The following LMO7 variants were observed in gnomAD, a reference collection of about 807,000 sequenced individuals.
LMO7 encodes LIM domain only protein 7.
A neutral mutation model predicts 206.5 loss-of-function variants in LMO7; 120 were observed. The observed-to-expected ratio is 0.58, with a 90% CI of 0.50 to 0.68. The LOEUF is 0.68. Among genes scored for constraint, LMO7 ranks in the 30% least tolerant of loss-of-function variants. The probability of loss-of-function intolerance (pLI) is 0.00; values close to 1 mark genes in which losing one functional copy is unlikely to be tolerated. For synonymous variants in LMO7, 706 were observed against 681.5 expected (o/e 1.04, Z -0.56); for missense variants, 1,959 against 1,957.9 (o/e 1.00, Z -0.01).
At chr13:75,725,128 A>G (rs928227707) in intron 2 of LMO7, among the ~76,000 whole-genome samples, 1 of 152,078 alleles carries the variant, frequency 6.6e-6, no homozygotes, top group Non-Finnish European at 1.5e-5. Flanking sequence ...AGGTTGTGCT[A>G]TTATTAATTC....
At chr13:75,754,723 G>C (rs925327207) in intron 3 of LMO7, among the ~76,000 whole-genome samples, 3 of 152,176 alleles carry the variant, frequency 2.0e-5, no homozygotes, top group African/African-American at 7.2e-5. Flanking sequence ...AAAGAGCAAG[G>C]ACATGTGCTA....
Position 75,809,763 on chromosome 13 carries a change from C to A in LMO7, c.1946+580C>A, listed in dbSNP as rs539700086. The stretch of plus-strand genomic sequence containing the variant: ...TTATAACATGGCTATATTTATAGTG[C>A]AAAATAGACCTTCAAAAACTGCAAA... On this transcript the variant is annotated intron_variant, in intron 11 of 30. Coordinates refer to ENST00000377534, the MANE Select transcript of LMO7 (RefSeq NM_001306080.2). 1.0e-3 allele frequency among the ~76,000 whole-genome samples: 152 copies of A among 149,978 alleles called. 1 individual carries two copies. Among genetic ancestry groups the A allele is most frequent in the Non-Finnish European group, 1.9e-3 (128 of 67,628 alleles).
chr13:75,646,827 T>C (rs1324151853), intron 1 of LMO7, among the ~76,000 whole-genome samples: 1 of 152,084 alleles, frequency 6.6e-6, no homozygotes, highest in African/African-American at 2.4e-5. Flanking sequence ...TCAGGTGATA[T>C]GTGTGCCTCA....
intron 1 of LMO7, among the ~76,000 whole-genome samples, chr13:75,670,501 C>A (rs1315368356): frequency 2.0e-5 from 3 of 152,140 alleles, no homozygotes; most frequent in African/African-American, 7.2e-5. Flanking sequence ...AGGCTACAAA[C>A]CTGTGCTGCA....
chr13:75,674,294 C>G (rs1300001033), intron 1 of LMO7, among the ~76,000 whole-genome samples: 1 of 152,196 alleles, frequency 6.6e-6, no homozygotes, highest in African/African-American at 2.4e-5. Context: ...TATTGACTGA[C>G]TCCAGTTTAG....
At chr13:75,840,280 G>T in intron 21 of LMO7, 111 bp from the exon 22 acceptor site, 8 of 1,428,358 alleles carry the variant, frequency 5.6e-6, no homozygotes, top group Non-Finnish European at 6.9e-6. Context: ...CCTTGGTACA[G>T]TTTAAGCAAA....
At chr13:75,702,473 CT>C (rs2042346513) in intron 1 of LMO7, among the ~76,000 whole-genome samples, 1 of 152,184 alleles carries the variant, frequency 6.6e-6, no homozygotes, top group Non-Finnish European at 1.5e-5. Flanking sequence ...TGCGAGTTGG[CT>C]TTGGTTTTGC....
intron 4 of LMO7, among the ~76,000 whole-genome samples, chr13:75,768,604 C>T (rs1262169518): frequency 5.3e-5 from 8 of 152,152 alleles, no homozygotes; most frequent in Middle Eastern, 6.8e-3. Flanking sequence ...GTCAGTGACA[C>T]CAAATCTAAC....
rs1181759446 is a variant in LMO7 at position 75,841,196 on chromosome 13, G to A, written c.3670G>A (p.Asp1224Asn). 7.5e-6 allele frequency: 12 copies of A among 1,604,932 alleles called. No individual in the cohort carries two copies. The highest frequency in any genetic ancestry group is 1.6e-4 in the Middle Eastern group (1 of 6,062). Residue 1224 changes from aspartate to asparagine, a missense_variant, in exon 23 of 31, where the codon GAT (aspartate) becomes AAT (asparagine). Transcript: ENST00000377534. ...AGAGAGAGAGAATTCCAAGTACTTG[G>A]ATGAGGTAGTGTTAGAACATGCCTG... ...EAERENSKYL[D>N]EELMVLSSNS...
At chr13:75,624,929 C>G (rs2033832820) in intron 2 of LMO7, among the ~76,000 whole-genome samples, 1 of 152,184 alleles carries the variant, frequency 6.6e-6, no homozygotes, top group South Asian at 2.1e-4. Context: ...ATTCTAGAGT[C>G]TGAGTTGTAG....
intron 4 of LMO7, among the ~76,000 whole-genome samples, chr13:75,790,744 C>G (rs2053161055): frequency 6.6e-6 from 1 of 152,128 alleles, no homozygotes. Flanking sequence ...TTCTTACTCT[C>G]TGGCAGAAAG....
Position 75,821,474 on chromosome 13 carries a change from G to A in LMO7, c.2505G>A (p.Met835Ile), listed in dbSNP as rs907898876. ...CTCTGCGTTCACGGAGCACACAAAT[G>A]GAATCAACTCGTGTTTCAGCTTCTC... ...LSSLRSRSTQMESTRVSASLP... is the reference protein window; with the variant it reads ...LSSLRSRSTQIESTRVSASLP... The change falls in exon 14 of 31, where the codon ATG (methionine) becomes ATA (isoleucine). Residue 835 changes from methionine (M) to isoleucine (I), a missense_variant. Physicochemically the swap from Met to Ile is conservative, Grantham distance 10. Coordinates refer to ENST00000377534, the MANE Select transcript of LMO7 (RefSeq NM_001306080.2). 1.2e-6 allele frequency: 2 copies of A among 1,614,120 alleles called. No homozygotes were observed. Among genetic ancestry groups the A allele is most frequent in the Non-Finnish European group, 1.7e-6 (2 of 1,179,992 alleles).
At chr13:75,683,553 T>C (rs1233520114) in intron 1 of LMO7, among the ~76,000 whole-genome samples, 2 of 152,198 alleles carry the variant, frequency 1.3e-5, no homozygotes, top group Non-Finnish European at 2.9e-5. Flanking sequence ...TCCAGTACTT[T>C]TAAACCCAAG....
chr13:75,758,714 G>T (rs886759726), intron 3 of LMO7, among the ~76,000 whole-genome samples: 1 of 151,964 alleles, frequency 6.6e-6, no homozygotes, highest in Non-Finnish European at 1.5e-5. Context: ...GTACCTATTT[G>T]TCAACTAGAT....
intron 1 of LMO7, among the ~76,000 whole-genome samples, chr13:75,643,396 A>C (rs2139037448): frequency 6.6e-6 from 1 of 152,356 alleles, no homozygotes; most frequent in Admixed American, 6.5e-5. Context: ...TCGTTCTTCT[A>C]GTTAGCATCT....
At chr13:75,775,066 T>A (rs2140137028) in intron 4 of LMO7, among the ~76,000 whole-genome samples, 1 of 152,286 alleles carries the variant, frequency 6.6e-6, no homozygotes, top group Admixed American at 6.5e-5. Flanking sequence ...TAGAAAAACC[T>A]CTTCAGTAGA....
At chr13:75,727,563 T>G (rs1324473974) in intron 3 of LMO7, among the ~76,000 whole-genome samples, 1 of 152,114 alleles carries the variant, frequency 6.6e-6, no homozygotes, top group East Asian at 1.9e-4. Flanking sequence ...AATATGTACT[T>G]ATGTATATAT....
intron 4 of LMO7, among the ~76,000 whole-genome samples, chr13:75,778,996 G>T (rs2050915020): frequency 6.6e-6 from 1 of 152,142 alleles, no homozygotes; most frequent in African/African-American, 2.4e-5. Context: ...GAAGAAGAAT[G>T]AATTCAAGAG....
At chr13:75,777,145 T>C (rs1449585906) in intron 4 of LMO7, among the ~76,000 whole-genome samples, 1 of 152,012 alleles carries the variant, frequency 6.6e-6, no homozygotes, top group Non-Finnish European at 1.5e-5. Context: ...TGGACTTGAA[T>C]GAGGACACTG....
Sources: allele counts gnomAD v4.1 joint callset (sites outside exome capture counted in the v4.1 genomes callset), GRCh38; gene constraint gnomAD v4.1.1; transcripts MANE v1.5; gene names NCBI Gene and HGNC (gene_info 2026-07-23, HGNC 2026-07-21).